Variants in CTNND2 observed in about 807,000 individuals in gnomAD.
CTNND2 encodes catenin delta-2.
A neutral mutation model predicts 144.4 loss-of-function variants in CTNND2; 22 were observed. That is an observed-to-expected ratio of 0.15 (90% CI 0.11 to 0.22). CTNND2 has a LOEUF of 0.22. Ranked by LOEUF, CTNND2 falls within the 10% of genes least tolerant of loss-of-function variation. The probability of loss-of-function intolerance (pLI) is 1.00; values close to 1 mark genes in which losing one functional copy is unlikely to be tolerated. For missense variants in CTNND2, 1,353 were observed against 1,618.8 expected, an observed-to-expected ratio of 0.84 and a Z score of 2.82; for synonymous variants, 751 against 695.6, an observed-to-expected ratio of 1.08 and a Z score of -1.25.
intron 9 of CTNND2, among the ~76,000 whole-genome samples, chr5:11,320,659 G>A (rs1751940694): frequency 6.6e-6 from 1 of 152,178 alleles, no homozygotes; most frequent in Non-Finnish European, 1.5e-5. Flanking sequence ...GAGGGAGCTT[G>A]TGCGTAGAAA....
intron 3 of CTNND2, among the ~76,000 whole-genome samples, chr5:11,499,351 G>T (rs1026320855): frequency 7.9e-5 from 12 of 152,044 alleles, no homozygotes; most frequent in Non-Finnish European, 8.8e-5. Flanking sequence ...ATTCTGCATT[G>T]CCCTACAGGC....
intron 1 of CTNND2, among the ~76,000 whole-genome samples, chr5:11,746,091 T>G (rs1788297636): frequency 6.6e-6 from 1 of 152,184 alleles, no homozygotes; most frequent in Admixed American, 6.6e-5. Context: ...GTTCTTGCCC[T>G]GGCCCACACA....
intron 1 of CTNND2, among the ~76,000 whole-genome samples, chr5:11,782,046 A>G (rs1790566310): frequency 6.6e-6 from 1 of 152,162 alleles, no homozygotes. Flanking sequence ...GGTCTTTCCC[A>G]TGCTGTTCTT....
At chr5:11,871,399 C>G (rs1252581463) in intron 1 of CTNND2, among the ~76,000 whole-genome samples, 1 of 152,052 alleles carries the variant, frequency 6.6e-6, no homozygotes, top group Non-Finnish European at 1.5e-5. Context: ...CCCTGTCTAA[C>G]AGGATTATTA....
At chr5:11,795,826 A>C (rs1791371405) in intron 1 of CTNND2, among the ~76,000 whole-genome samples, 1 of 152,236 alleles carries the variant, frequency 6.6e-6, no homozygotes, top group Non-Finnish European at 1.5e-5. Flanking sequence ...AGGTTACCAC[A>C]GACTTAGTAA....
chr5:11,050,965 C>G (rs1194919596), intron 16 of CTNND2, among the ~76,000 whole-genome samples: 3 of 152,182 alleles, frequency 2.0e-5, no homozygotes, highest in African/African-American at 7.2e-5. Context: ...ATAATATTTA[C>G]CACTCTTCTG....
At chr5:11,902,444 C>G (rs180712945) in intron 1 of CTNND2, among the ~76,000 whole-genome samples, 99 of 152,268 alleles carry the variant, frequency 6.5e-4, no homozygotes, top group African/African-American at 2.1e-3. Context: ...AGCCCCGAAG[C>G]CTTGTCATTA....
intron 1 of CTNND2, among the ~76,000 whole-genome samples, chr5:11,893,268 C>T (rs1482201911): frequency 2.0e-5 from 3 of 152,306 alleles, no homozygotes; most frequent in Non-Finnish European, 4.4e-5. Flanking sequence ...TAAGGCTGCA[C>T]AGCCATCTCA....
intron 10 of CTNND2, among the ~76,000 whole-genome samples, chr5:11,206,894 C>G (rs999151444): frequency 6.6e-6 from 1 of 152,210 alleles, no homozygotes; most frequent in African/African-American, 2.4e-5. Flanking sequence ...GCTACACTTA[C>G]ACTTACTCTC....
At chr5:11,037,844 C>T (rs864076) in intron 16 of CTNND2, among the ~76,000 whole-genome samples, 45,938 of 151,934 alleles carry the variant, frequency 0.3, 7,556 homozygotes, top group Non-Finnish European at 0.38. Context: ...AAGCTAATAA[C>T]TATAATAGTC....
At position 11,454,159 on chromosome 5, in the gene CTNND2, C is replaced by T. The variant is rs543264875; in HGVS notation, c.288-42090G>A. Among the ~76,000 whole-genome samples, 9 of 152,324 alleles carry T rather than the reference C, an allele frequency of 5.9e-5. No individual in the cohort carries two copies. In the South Asian group the frequency reaches 1.5e-3, roughly 25 times the overall value. ...ATAATAGGGCCAACGCGGTGGCTCA[C>T]GCCTGTAGCCCCAGCACTTGGAGAG... On this transcript the variant is annotated intron_variant, in intron 3 of 21. Coordinates refer to ENST00000304623, the MANE Select transcript of CTNND2 (RefSeq NM_001332.4).
intron 16 of CTNND2, among the ~76,000 whole-genome samples, chr5:11,024,322 G>T (rs1742599110): frequency 6.6e-6 from 1 of 152,188 alleles, no homozygotes; most frequent in South Asian, 2.1e-4. Context: ...GATGATAGCT[G>T]AGGAAGTGTC....
At chr5:11,458,007 A>G in intron 3 of CTNND2, among the ~76,000 whole-genome samples, 1 of 152,206 alleles carries the variant, frequency 6.6e-6, no homozygotes, top group East Asian at 1.9e-4. Context: ...TTACTAGCTG[A>G]GCATGTTTTC....
chr5:11,320,035 A>T (rs1439938846), intron 9 of CTNND2, among the ~76,000 whole-genome samples: 1 of 152,182 alleles, frequency 6.6e-6, no homozygotes, highest in Non-Finnish European at 1.5e-5. Flanking sequence ...CACTAATCAC[A>T]TTTGAAATGG....
intron 9 of CTNND2, among the ~76,000 whole-genome samples, chr5:11,326,710 A>C (rs1306521309): frequency 1.3e-5 from 2 of 152,150 alleles, no homozygotes; most frequent in Non-Finnish European, 2.9e-5. Flanking sequence ...AAACTGCATG[A>C]CAATGTGTAA....
At position 11,364,832 on chromosome 5, in the gene CTNND2, G is replaced by A; in HGVS notation, c.1236C>T (p.Ala412=). 3.7e-6 allele frequency: 6 copies of A among 1,613,776 alleles called. No homozygotes were observed. Among genetic ancestry groups the A allele is most frequent in the Non-Finnish European group, 5.1e-6 (6 of 1,179,872 alleles). ...CTATGTGGTGTTCTGGGGACTGCAGGGCCCGCAACTCTGGGCCCAGGTGCC... is the reference window on the plus strand; with the variant it reads ...CTATGTGGTGTTCTGGGGACTGCAGAGCCCGCAACTCTGGGCCCAGGTGCC... The part of the protein sequence containing the change: ...QHGHLGPELR[A]LQSPEHHIDP... The change falls in exon 8 of 22, where the codon GCC becomes GCT. Residue 412 remains alanine, a synonymous_variant. Coordinates refer to ENST00000304623, the MANE Select transcript of CTNND2 (RefSeq NM_001332.4).
At chr5:11,190,266 C>A (rs149155866) in intron 11 of CTNND2, among the ~76,000 whole-genome samples, 163 of 152,304 alleles carry the variant, frequency 1.1e-3, no homozygotes, top group African/African-American at 3.4e-3. Context: ...TTGCTCTTCC[C>A]CTGAGAGGTA....
intron 2 of CTNND2, among the ~76,000 whole-genome samples, chr5:11,605,381 C>T (rs535443007): frequency 8.5e-5 from 13 of 152,292 alleles, no homozygotes; most frequent in African/African-American, 2.2e-4. Context: ...TTATCATACA[C>T]ACTAAATGAA....
intron 13 of CTNND2, among the ~76,000 whole-genome samples, chr5:11,111,401 T>C (rs760963454): frequency 2.0e-5 from 3 of 151,982 alleles, no homozygotes; most frequent in African/African-American, 4.8e-5. Flanking sequence ...TGGCTGGGGA[T>C]TGGGGATCGG....
Sources: gnomAD v4.1 joint callset for allele counts (sites outside exome capture counted in the v4.1 genomes callset) on GRCh38, gnomAD v4.1.1 for gene constraint, MANE v1.5 for transcripts, NCBI Gene and HGNC (gene_info 2026-07-23, HGNC 2026-07-21) for gene names.